Variants in DGKB observed in about 807,000 individuals in gnomAD.
DGKB encodes 90 kDa diacylglycerol kinase.
In DGKB, 67 loss-of-function variants were observed where a neutral mutation model predicts 114.3. The ratio of observed to expected loss-of-function variants is 0.59; its 90% CI spans 0.48 to 0.72. DGKB has a LOEUF of 0.72. DGKB is among the 30% of genes least tolerant of loss of function. The probability of loss-of-function intolerance (pLI) is 0.00; values close to 1 mark genes in which losing one functional copy is unlikely to be tolerated. For missense variants in DGKB, 907 were observed against 975.2 expected (o/e 0.93, Z 0.93); for synonymous variants, 398 against 323.1 (o/e 1.23, Z -2.49).
At chr7:14,694,498 TTCA>T (rs750411271) in intron 8 of DGKB, among the ~76,000 whole-genome samples, 4 of 152,204 alleles carry the variant, frequency 2.6e-5, no homozygotes, top group Admixed American at 6.5e-5. Flanking sequence ...AATTACTTTC[TTCA>T]TATTATTTTT....
intron 20 of DGKB, among the ~76,000 whole-genome samples, chr7:14,534,924 T>G (rs1372719729): frequency 6.6e-6 from 1 of 151,950 alleles, no homozygotes; most frequent in Non-Finnish European, 1.5e-5. Flanking sequence ...GTGAATAAAA[T>G]AAACTCTCGA....
intron 21 of DGKB, among the ~76,000 whole-genome samples, chr7:14,455,736 T>C (rs954620583): frequency 1.3e-5 from 2 of 152,016 alleles, no homozygotes; most frequent in Non-Finnish European, 2.9e-5. Flanking sequence ...ATTCTTCAAC[T>C]TGGTTCAGGA....
At position 14,146,861 on chromosome 7, in the gene DGKB, T is replaced by C. The variant is rs561883644; in HGVS notation, c.*2270A>G. 1 of 152,284 alleles carries C rather than the reference T, an allele frequency of 6.6e-6. No homozygotes were observed. Among genetic ancestry groups the C allele is most frequent in the African/African-American group, 2.4e-5 (1 of 41,582 alleles). 9.4% of individuals were successfully genotyped at this position (152,284 alleles called of 1,614,324 possible). On this transcript the variant is annotated 3_prime_UTR_variant, in exon 26 of 26. Transcript: ENST00000402815. ...CCCATTATTTCAATCATTGAAATCTTATAAGCAGGTTGTTTAATTTGTCTC... is the reference window on the plus strand; with the variant it reads ...CCCATTATTTCAATCATTGAAATCTCATAAGCAGGTTGTTTAATTTGTCTC...
intron 1 of DGKB, among the ~76,000 whole-genome samples, chr7:14,925,783 G>C (rs932425755): frequency 6.6e-6 from 1 of 151,972 alleles, no homozygotes; most frequent in Non-Finnish European, 1.5e-5. Context: ...ATTGTTCCAA[G>C]GTATTGTTTG....
intron 20 of DGKB, among the ~76,000 whole-genome samples, chr7:14,516,908 T>A (rs560311779): frequency 3.9e-5 from 6 of 152,154 alleles, no homozygotes; most frequent in Admixed American, 3.3e-4. Flanking sequence ...TTCAATACTA[T>A]TCCTATCAAA....
chr7:14,153,624 T>C (rs2128215767), intron 25 of DGKB, among the ~76,000 whole-genome samples: 1 of 152,186 alleles, frequency 6.6e-6, no homozygotes, highest in South Asian at 2.1e-4. Context: ...TGCTAGTTAT[T>C]GCCCTAGAGA....
chr7:14,832,154 C>G (rs1399467118), intron 2 of DGKB, among the ~76,000 whole-genome samples: 1 of 151,922 alleles, frequency 6.6e-6, no homozygotes, highest in Non-Finnish European at 1.5e-5. Context: ...CTTAATTACA[C>G]CGTTGAGAAA....
In DGKB at chr7:14,213,014, A is replaced by G. The variant is rs568271029; in HGVS notation, c.2123-34863T>C. On this transcript the variant is annotated intron_variant, in intron 23 of 25. Coordinates refer to ENST00000402815, the MANE Select transcript of DGKB (RefSeq NM_001350709.2). ...CTTTCTTTACACAGAGGTAATACTA[A>G]TTATGAAATATATTCATTCAAATTT... 2.6e-5 allele frequency among the ~76,000 whole-genome samples: 4 copies of G among 152,190 alleles called. No individual in the cohort carries two copies. The East Asian group carries it at 7.8e-4, about 30-fold the overall frequency.
rs187704467 is a variant in DGKB at position 14,471,546 on chromosome 7, C to G, written c.1835+6615G>C. Among the ~76,000 whole-genome samples, 4 of 150,480 alleles carry G rather than the reference C, an allele frequency of 2.7e-5. No individual in the cohort carries two copies. The East Asian group carries it at 6.1e-4, about 23-fold the overall frequency. On this transcript the variant is annotated intron_variant, in intron 21 of 25. Coordinates refer to ENST00000402815, the MANE Select transcript of DGKB (RefSeq NM_001350709.2). ...AAGCACAAACTAATCTATAAGTAAT[C>G]TCATATTATTTATTTGTAGGACACA...
chr7:14,634,366 T>A (rs1274205753), intron 13 of DGKB, among the ~76,000 whole-genome samples: 2 of 151,406 alleles, frequency 1.3e-5, no homozygotes, highest in African/African-American at 2.4e-5. Flanking sequence ...GGAGACTTTT[T>A]AAAATTACTA....
intron 23 of DGKB, among the ~76,000 whole-genome samples, chr7:14,283,562 C>G (rs978845604): frequency 1.3e-5 from 2 of 148,194 alleles, no homozygotes; most frequent in African/African-American, 5.3e-5. Flanking sequence ...CCAAGTCAAT[C>G]CTAAGCCAAA....
chr7:14,270,114 T>A (rs1212789352), intron 23 of DGKB, among the ~76,000 whole-genome samples: 2 of 151,024 alleles, frequency 1.3e-5, no homozygotes, highest in Non-Finnish European at 2.9e-5. Context: ...TAAGGGAGTT[T>A]TATATATAAT....
At chr7:14,230,172 A>G (rs547184645) in intron 23 of DGKB, among the ~76,000 whole-genome samples, 13 of 152,170 alleles carry the variant, frequency 8.5e-5, no homozygotes, top group Non-Finnish European at 1.8e-4. Context: ...AAACAACAAA[A>G]GTAGAGTTCA....
chr7:14,918,404 C>G (rs1028609378), intron 1 of DGKB, among the ~76,000 whole-genome samples: 5 of 152,152 alleles, frequency 3.3e-5, no homozygotes, highest in African/African-American at 1.2e-4. Flanking sequence ...ACAAATGTAG[C>G]AAGGTTGCAG....
At position 14,747,690 on chromosome 7, in the gene DGKB, A is replaced by G. The variant is rs184240639; in HGVS notation, c.168+6238T>C. 7.6e-3 allele frequency among the ~76,000 whole-genome samples: 1,159 copies of G among 152,172 alleles called. 9 individuals carry two copies. The highest frequency in any genetic ancestry group is 0.013 in the Non-Finnish European group (858 of 68,022). ...GAGATCATTTATATGCATATCAATG[A>G]AGCCATTAATGATACAAATTGGGTC... is the stretch of plus-strand genomic sequence containing the variant. On this transcript the variant is annotated intron_variant, in intron 4 of 25. Coordinates refer to ENST00000402815, the MANE Select transcript of DGKB (RefSeq NM_001350709.2).
At chr7:14,585,411 G>C (rs1800590198) in intron 17 of DGKB, among the ~76,000 whole-genome samples, 1 of 152,136 alleles carries the variant, frequency 6.6e-6, no homozygotes. Context: ...CCACGTGTCT[G>C]ACATAATCAA....
chr7:14,870,468 T>C (rs1265774105), intron 1 of DGKB, among the ~76,000 whole-genome samples: 1 of 152,194 alleles, frequency 6.6e-6, no homozygotes, highest in East Asian at 1.9e-4. Flanking sequence ...AAGACTTAAG[T>C]ACGAACTTTT....
chr7:14,887,482 A>C (rs1319176413), intron 1 of DGKB, among the ~76,000 whole-genome samples: 1 of 151,682 alleles, frequency 6.6e-6, no homozygotes, highest in Non-Finnish European at 1.5e-5. Flanking sequence ...CTCAGTCCCT[A>C]AGGGGTCTCT....
intron 20 of DGKB, among the ~76,000 whole-genome samples, chr7:14,558,643 T>G (rs1252752229): frequency 1.3e-5 from 2 of 152,186 alleles, no homozygotes; most frequent in Non-Finnish European, 2.9e-5. Flanking sequence ...AGATGTAAAT[T>G]TCTTGGTATC....
Sources: gnomAD v4.1 joint callset for allele counts (sites outside exome capture counted in the v4.1 genomes callset) on GRCh38, gnomAD v4.1.1 for gene constraint, MANE v1.5 for transcripts, NCBI Gene and HGNC (gene_info 2026-07-23, HGNC 2026-07-21) for gene names.